The following FGF14 variants were observed in gnomAD, a reference collection of about 807,000 sequenced individuals.
FGF14 encodes the protein fibroblast growth factor homologous factor 4.
Under a neutral mutation model 25.5 loss-of-function variants are expected in FGF14, and 5 were observed. The observed-to-expected ratio is 0.20, with a 90% CI of 0.10 to 0.41. FGF14 has a LOEUF of 0.41. FGF14 is among the 10% of genes least tolerant of loss of function. The pLI is 1.00. For synonymous variants in FGF14, 138 were observed against 118.3 expected, an observed-to-expected ratio of 1.17 and a Z score of -1.08; for missense variants, 222 against 320.1, an observed-to-expected ratio of 0.69 and a Z score of 2.34.
At chr13:101,792,439 TG>T (rs1871107702) in intron 3 of FGF14, among the ~76,000 whole-genome samples, 1 of 152,230 alleles carries the variant, frequency 6.6e-6, no homozygotes, top group African/African-American at 2.4e-5. Flanking sequence ...CTTGAGGGTA[TG>T]GGCCTTGCAA....
At chr13:101,938,969 G>T (rs1014963356) in intron 1 of FGF14, among the ~76,000 whole-genome samples, 1 of 152,182 alleles carries the variant, frequency 6.6e-6, no homozygotes, top group East Asian at 1.9e-4. Flanking sequence ...ATGGAGTGGG[G>T]ATGAGCACTG....
intron 3 of FGF14, among the ~76,000 whole-genome samples, chr13:101,853,966 C>G (rs1273309888): frequency 1.3e-5 from 2 of 152,022 alleles, no homozygotes; most frequent in African/African-American, 4.8e-5. Flanking sequence ...TGATTTCAGT[C>G]TCAAACATCT....
intron 1 of FGF14, among the ~76,000 whole-genome samples, chr13:102,306,601 A>C (rs1243755233): frequency 1.3e-5 from 2 of 152,152 alleles, no homozygotes; most frequent in African/African-American, 4.8e-5. Flanking sequence ...ACAAAGCTGG[A>C]GCTTCTGCAA....
chr13:101,750,313 C>G (rs550279712), intron 3 of FGF14, among the ~76,000 whole-genome samples: 1 of 152,030 alleles, frequency 6.6e-6, no homozygotes, highest in East Asian at 1.9e-4. Context: ...TGGAACATTC[C>G]AGACTTACTG....
chr13:101,812,717 C>G (rs2041640745), intron 3 of FGF14, among the ~76,000 whole-genome samples: 1 of 115,588 alleles, frequency 8.7e-6, no homozygotes, highest in Non-Finnish European at 1.6e-5. Context: ...GGTTGGAGTG[C>G]AATGGCGCTA....
chr13:101,875,165 T>C, intron 2 of FGF14, 21 bp downstream of exon 2: 2 of 1,498,946 alleles, frequency 1.3e-6, no homozygotes, highest in South Asian at 1.1e-5. Flanking sequence ...ATGTAACTGG[T>C]GGCCTGAGGT....
chr13:102,162,441 T>TA (rs757854153), intron 1 of FGF14, among the ~76,000 whole-genome samples: 1 of 152,170 alleles, frequency 6.6e-6, no homozygotes, highest in Non-Finnish European at 1.5e-5. Flanking sequence ...ACATCACATT[T>TA]AAAAAATCAA....
intron 3 of FGF14, among the ~76,000 whole-genome samples, chr13:101,776,012 C>G (rs1292671543): frequency 6.6e-6 from 1 of 152,112 alleles, no homozygotes; most frequent in Non-Finnish European, 1.5e-5. Context: ...TTCTGAAATT[C>G]AAAACCAGCC....
At chr13:102,206,278 G>C (rs535037911) in intron 1 of FGF14, among the ~76,000 whole-genome samples, 1 of 151,894 alleles carries the variant, frequency 6.6e-6, no homozygotes, top group Non-Finnish European at 1.5e-5. Flanking sequence ...CATCCTCTCC[G>C]GTTTCCTAGG....
At chr13:102,355,375 A>G (rs767556612) in intron 1 of FGF14, among the ~76,000 whole-genome samples, 7 of 152,040 alleles carry the variant, frequency 4.6e-5, no homozygotes, top group Non-Finnish European at 1.0e-4. Context: ...AGTTGGTTGG[A>G]TGCTGGTGAC....
At chr13:101,765,498 C>T (rs1411939908) in intron 3 of FGF14, among the ~76,000 whole-genome samples, 1 of 152,058 alleles carries the variant, frequency 6.6e-6, no homozygotes, top group Non-Finnish European at 1.5e-5. Context: ...ACAATGATGG[C>T]CTCCATGGAG....
chr13:102,294,426 AC>A (rs1379365771), intron 1 of FGF14, among the ~76,000 whole-genome samples: 5 of 152,090 alleles, frequency 3.3e-5, no homozygotes, highest in South Asian at 2.1e-4. Context: ...AAAAAAAAAA[AC>A]AAACACATCC....
chr13:102,297,241 T>G (rs1237822827), intron 1 of FGF14, among the ~76,000 whole-genome samples: 1 of 152,088 alleles, frequency 6.6e-6, no homozygotes, highest in Non-Finnish European at 1.5e-5. Context: ...TACAAAATAC[T>G]TGAACCAAAG....
At chr13:101,757,587 T>C (rs966872661) in intron 3 of FGF14, among the ~76,000 whole-genome samples, 14 of 152,200 alleles carry the variant, frequency 9.2e-5, no homozygotes, top group African/African-American at 3.4e-4. Context: ...TTTTATGAGA[T>C]GGCTACAGAA....
chr13:101,887,328 G>GTGTATA (rs372585813), intron 1 of FGF14, among the ~76,000 whole-genome samples: 2,769 of 147,528 alleles, frequency 0.019, 24 homozygotes, highest in Non-Finnish European at 0.021. Flanking sequence ...ATATATGTGT[G>GTGTATA]TATATATATA....
chr13:102,277,926 AC>A (rs1209595444), intron 1 of FGF14, among the ~76,000 whole-genome samples: 2 of 152,244 alleles, frequency 1.3e-5, no homozygotes, highest in Non-Finnish European at 2.9e-5. Flanking sequence ...CAAATTTTGC[AC>A]AAATGGGATC....
At chr13:102,086,529 CA>C (rs113715783) in intron 1 of FGF14, among the ~76,000 whole-genome samples, 3 of 150,158 alleles carry the variant, frequency 2.0e-5, no homozygotes, top group Admixed American at 2.0e-4. Flanking sequence ...GACTCCGTCT[CA>C]AAAAAAAAGA....
intron 1 of FGF14, among the ~76,000 whole-genome samples, chr13:101,988,614 C>A (rs1036566677): frequency 4.7e-5 from 7 of 150,136 alleles, no homozygotes. Flanking sequence ...GGACAAAAAA[C>A]CAGACACCAC....
intron 1 of FGF14, among the ~76,000 whole-genome samples, chr13:102,373,019 A>G (rs2057934201): frequency 6.6e-6 from 1 of 152,144 alleles, no homozygotes; most frequent in East Asian, 1.9e-4. Context: ...AAGACCTTAG[A>G]ACTACTTAAA....
Sources: allele counts gnomAD v4.1 joint callset (sites outside exome capture counted in the v4.1 genomes callset), GRCh38; gene constraint gnomAD v4.1.1; transcripts MANE v1.5; gene names NCBI Gene and HGNC (gene_info 2026-07-23, HGNC 2026-07-21).